The following WWP2 variants were observed in gnomAD, a reference collection of about 807,000 sequenced individuals.
WWP2 encodes the protein WW domain containing E3 ubiquitin protein ligase 2, also known as NEDD4-like E3 ubiquitin-protein ligase WWP2.
Under a neutral mutation model 121.0 loss-of-function variants are expected in WWP2, and 57 were observed. That is an observed-to-expected ratio of 0.47 (90% CI 0.38 to 0.59). The LOEUF is 0.59. WWP2 is among the 20% of genes least tolerant of loss of function. The pLI is 0.00. For missense variants in WWP2, 962 were observed against 1,158.9 expected (o/e 0.83, Z 2.47); for synonymous variants, 449 against 441.3 (o/e 1.02, Z -0.22).
chr16:69,837,271 ACTCATGCTTG>A (rs2056893828), intron 4 of WWP2, among the ~76,000 whole-genome samples: 1 of 149,928 alleles, frequency 6.7e-6, no homozygotes, highest in African/African-American at 2.5e-5. Flanking sequence ...TCACTGTGTT[ACTCATGCTTG>A]TCTTGAACTC....
chr16:69,878,192 T>G (rs1046426467), intron 7 of WWP2, among the ~76,000 whole-genome samples: 1 of 152,154 alleles, frequency 6.6e-6, no homozygotes, highest in African/African-American at 2.4e-5. Flanking sequence ...TGGTCACAGA[T>G]CTCCATGACG....
chr16:69,847,614 G>T (rs2057108250), intron 6 of WWP2, among the ~76,000 whole-genome samples: 1 of 151,816 alleles, frequency 6.6e-6, no homozygotes, highest in Admixed American at 6.6e-5. Context: ...CTCCATGTTG[G>T]TCAGGCTGGT....
At chr16:69,930,346 C>A in intron 13 of WWP2, 88 bp downstream of exon 13, 1 of 1,564,386 alleles carries the variant, frequency 6.4e-7, no homozygotes, top group South Asian at 1.2e-5. Flanking sequence ...CTTTGGGTGG[C>A]CCCTGTGGTG....
chr16:69,775,573 A>G (rs1178380150), intron 1 of WWP2, among the ~76,000 whole-genome samples: 5 of 152,148 alleles, frequency 3.3e-5, no homozygotes, highest in Admixed American at 6.6e-5. Flanking sequence ...TGCTGTTTCC[A>G]TTAGAGCCCT....
intron 2 of WWP2, 84 bp downstream of exon 2, chr16:69,787,164 A>C: frequency 9.2e-7 from 1 of 1,085,472 alleles, no homozygotes; most frequent in Middle Eastern, 2.1e-4. Context: ...TGGGGAGCCA[A>C]ATTTTGTGAA....
chr16:69,793,203 A>T (rs2055949828), intron 2 of WWP2, among the ~76,000 whole-genome samples: 1 of 152,102 alleles, frequency 6.6e-6, no homozygotes, highest in Admixed American at 6.6e-5. Context: ...ATACAAAAAA[A>T]TTAGCTGGGT....
intron 7 of WWP2, among the ~76,000 whole-genome samples, chr16:69,880,574 G>A (rs190933871): frequency 2.0e-5 from 3 of 152,272 alleles, no homozygotes; most frequent in Admixed American, 2.0e-4. Flanking sequence ...ACACAGTATG[G>A]CTTCGTCCAT....
intron 6 of WWP2, 149 bp downstream of exon 6, chr16:69,842,269 T>C: frequency 1.4e-6 from 1 of 697,770 alleles, no homozygotes; most frequent in Non-Finnish European, 2.4e-6. Context: ...AGAAAGCTAA[T>C]AGAGGAGTCC....
Position 69,890,277 on chromosome 16 carries a change from G to A in WWP2, c.914+2028G>A, listed in dbSNP as rs543903331. Among the ~76,000 whole-genome samples the A allele has an allele frequency of 7.9e-5, 12 of 152,176 alleles. No individual in the cohort carries two copies. In the South Asian group the frequency reaches 2.3e-3, roughly 29 times the overall value. ...GTATTGTTTTCCTAGCATGCGCCAC[G>A]CTACCTAACTCCCGTCTGTTCAGAA... is the stretch of plus-strand genomic sequence containing the variant. On this transcript the variant is annotated intron_variant, in intron 8 of 23. Coordinates refer to ENST00000359154, the MANE Select transcript of WWP2 (RefSeq NM_001270454.2).
chr16:69,940,069 T>A lies in WWP2; in HGVS notation c.*129T>A, dbSNP rs754886861. 8.4e-6 allele frequency: 6 copies of A among 712,548 alleles called. No homozygotes were observed. The highest frequency in any genetic ancestry group is 1.4e-5 in the Non-Finnish European group (6 of 439,440). The allele number at this position is 712,548 out of a possible 1,614,324, so 44.1% of individuals were successfully genotyped here. On this transcript the variant is annotated 3_prime_UTR_variant, in exon 24 of 24. Transcript: ENST00000359154. ...GGCCCTGTGTGGGACCACACTGTCA[T>A]CTCGCTGCTGGCAGAAAAGCCTGAT...
chr16:69,857,315 G>A (rs1342477934), intron 6 of WWP2, among the ~76,000 whole-genome samples: 1 of 152,090 alleles, frequency 6.6e-6, no homozygotes, highest in Admixed American at 6.6e-5. Flanking sequence ...GGCTGGTCTC[G>A]AACTCCTGAC....
chr16:69,783,830 C>T (rs1468506025), intron 1 of WWP2, among the ~76,000 whole-genome samples: 1 of 139,174 alleles, frequency 7.2e-6, no homozygotes, highest in Non-Finnish European at 1.5e-5. Flanking sequence ...GGTGGCACAT[C>T]TATAGTCCCA....
chr16:69,857,067 C>T (rs1045095207), intron 6 of WWP2, among the ~76,000 whole-genome samples: 6 of 152,028 alleles, frequency 3.9e-5, no homozygotes, highest in African/African-American at 9.7e-5. Context: ...TTCTGTCTGT[C>T]CTACAGTTTC....
intron 6 of WWP2, among the ~76,000 whole-genome samples, chr16:69,865,740 T>C (rs1008389442): frequency 1.3e-5 from 2 of 152,222 alleles, no homozygotes; most frequent in Non-Finnish European, 2.9e-5. Context: ...CCCTTTGAGA[T>C]GGACACTTAA....
At chr16:69,800,059 C>T (rs1478488427) in intron 4 of WWP2, among the ~76,000 whole-genome samples, 3 of 133,828 alleles carry the variant, frequency 2.2e-5, no homozygotes, top group Non-Finnish European at 3.2e-5. Context: ...GAGGTGGGGG[C>T]GGGGAGAGTT....
chr16:69,890,251 CGTAT>C (rs1567410259), intron 8 of WWP2, among the ~76,000 whole-genome samples: 1 of 151,680 alleles, frequency 6.6e-6, no homozygotes. Context: ...TTACTACGTA[CGTAT>C]TGTTTTCCTA....
rs191947812 is a variant in WWP2 at position 69,831,815 on chromosome 16, A to G, written c.341-8311A>G. On this transcript the variant is annotated intron_variant, in intron 4 of 23. Coordinates refer to ENST00000359154, the MANE Select transcript of WWP2 (RefSeq NM_001270454.2). ...AGTACCTTAGGCATGCTGGCATGGA[A>G]AAAAACAAAACCTTTTTTTTTTTTT... 1.5e-3 allele frequency among the ~76,000 whole-genome samples: 220 copies of G among 151,286 alleles called. 1 individual carries two copies. In the East Asian group the frequency reaches 0.021, roughly 14 times the overall value.
chr16:69,932,673 C>T (rs985846996), intron 16 of WWP2, among the ~76,000 whole-genome samples: 12 of 152,228 alleles, frequency 7.9e-5, no homozygotes, highest in South Asian at 2.1e-4. Context: ...AGCTGTGTCA[C>T]GATCCACAGG....
At chr16:69,899,599 G>T (rs575922171) in intron 8 of WWP2, among the ~76,000 whole-genome samples, 1 of 151,856 alleles carries the variant, frequency 6.6e-6, no homozygotes. Flanking sequence ...GTGTATTGGT[G>T]CATGCCTGTA....
Sources: allele counts gnomAD v4.1 joint callset (sites outside exome capture counted in the v4.1 genomes callset), GRCh38; gene constraint gnomAD v4.1.1; transcripts MANE v1.5; gene names NCBI Gene and HGNC (gene_info 2026-07-23, HGNC 2026-07-21).